IL19: variants seen among roughly 807,000 people sequenced by gnomAD.
IL19 encodes interleukin-19.
In IL19, 15 loss-of-function variants were observed where a neutral mutation model predicts 19.5. The ratio of observed to expected loss-of-function variants is 0.77; its 90% CI spans 0.52 to 1.19. IL19 has a LOEUF of 1.19. Among genes scored for constraint, IL19 ranks in the 50% most tolerant of loss-of-function variants. The pLI is 0.00. For synonymous variants in IL19, 78 were observed against 78.3 expected (o/e 1.00, Z 0.02); for missense variants, 199 against 213.1 (o/e 0.93, Z 0.41).
chr1:206,823,907 T>TG (rs1201077815), intron 2 of IL19, among the ~76,000 whole-genome samples: 3 of 152,080 alleles, frequency 2.0e-5, no homozygotes, highest in Non-Finnish European at 4.4e-5. Flanking sequence ...CTCAAAGCCA[T>TG]GGGGGTGGAG....
chr1:206,776,427 G>GT (rs1674995458), intron 1 of IL19, among the ~76,000 whole-genome samples: 2 of 148,444 alleles, frequency 1.3e-5, no homozygotes, highest in African/African-American at 2.5e-5. Context: ...GAACTGCTGG[G>GT]GTGTGTGTGT....
chr1:206,840,138 A>G, intron 5 of IL19, 136 bp downstream of exon 5: 2 of 960,464 alleles, frequency 2.1e-6, no homozygotes, highest in Non-Finnish European at 1.7e-6. Flanking sequence ...CACAGGGAGA[A>G]CTGTGGAGAA....
intron 1 of IL19, among the ~76,000 whole-genome samples, chr1:206,794,358 C>T (rs902505923): frequency 5.3e-5 from 8 of 152,258 alleles, no homozygotes; most frequent in South Asian, 4.1e-4. Context: ...GTCTACGGTC[C>T]GTCACATCTT....
intron 6 of IL19, among the ~76,000 whole-genome samples, chr1:206,841,545 C>T (rs1677019158): frequency 1.3e-5 from 2 of 152,234 alleles, no homozygotes; most frequent in Non-Finnish European, 2.9e-5. Context: ...GAGGAAGAAG[C>T]AGTGTTTCTC....
intron 1 of IL19, among the ~76,000 whole-genome samples, chr1:206,794,254 T>A (rs1240051001): frequency 6.6e-6 from 1 of 152,166 alleles, no homozygotes; most frequent in Admixed American, 6.5e-5. Context: ...CTGCTGCTCT[T>A]ATTGGGAGGA....
intron 1 of IL19, among the ~76,000 whole-genome samples, chr1:206,788,179 C>A (rs184508191): frequency 6.6e-6 from 1 of 152,270 alleles, no homozygotes; most frequent in African/African-American, 2.4e-5. Flanking sequence ...TGACTCTTTG[C>A]AGCTGTTCTA....
intron 2 of IL19, among the ~76,000 whole-genome samples, chr1:206,831,938 G>A (rs1676620303): frequency 6.6e-6 from 1 of 152,236 alleles, no homozygotes; most frequent in East Asian, 1.9e-4. Context: ...TGAGCACAAG[G>A]GGTGAATGTG....
intron 2 of IL19, among the ~76,000 whole-genome samples, chr1:206,806,371 G>A (rs969536366): frequency 3.3e-5 from 5 of 152,102 alleles, no homozygotes; most frequent in Non-Finnish European, 1.5e-5. Context: ...CTACTACTCT[G>A]AAATATATTC....
intron 2 of IL19, among the ~76,000 whole-genome samples, chr1:206,817,099 CAGTTG>C (rs1425736399): frequency 6.6e-6 from 1 of 152,206 alleles, no homozygotes; most frequent in Non-Finnish European, 1.5e-5. Context: ...TGGCTGAAAT[CAGTTG>C]GAACCAAGAT....
At chr1:206,798,333 C>T (rs956433263) in intron 1 of IL19, among the ~76,000 whole-genome samples, 1 of 152,134 alleles carries the variant, frequency 6.6e-6, no homozygotes, top group African/African-American at 2.4e-5. Flanking sequence ...CCCAGGCATC[C>T]CCTCTGCAAG....
intron 1 of IL19, chr1:206,771,421 G>A: frequency 6.2e-7 from 1 of 1,603,304 alleles, no homozygotes; most frequent in East Asian, 2.2e-5. Flanking sequence ...ATTTGCTGCA[G>A]GAAGAACAAA....
At chr1:206,792,520 G>A (rs1293737686) in intron 1 of IL19, among the ~76,000 whole-genome samples, 2 of 151,948 alleles carry the variant, frequency 1.3e-5, no homozygotes, top group Non-Finnish European at 2.9e-5. Flanking sequence ...GGAATTGCAT[G>A]ATCTTGGCTC....
intron 2 of IL19, among the ~76,000 whole-genome samples, chr1:206,816,697 A>G (rs1676166342): frequency 6.6e-6 from 1 of 152,230 alleles, no homozygotes; most frequent in Non-Finnish European, 1.5e-5. Flanking sequence ...CAATAATCAC[A>G]TTAAATACAA....
chr1:206,812,469 G>C (rs1266428973), intron 2 of IL19, among the ~76,000 whole-genome samples: 1 of 152,138 alleles, frequency 6.6e-6, no homozygotes, highest in African/African-American at 2.4e-5. Flanking sequence ...TCTATGACTG[G>C]GGCGACTGAT....
chr1:206,822,546 G>C (rs540876559), intron 2 of IL19, among the ~76,000 whole-genome samples: 1 of 152,316 alleles, frequency 6.6e-6, no homozygotes, highest in South Asian at 2.1e-4. Context: ...TTGTCCAAGT[G>C]TTTAAACTCT....
intron 1 of IL19, among the ~76,000 whole-genome samples, chr1:206,795,077 C>G (rs940610154): frequency 6.6e-6 from 1 of 152,158 alleles, no homozygotes; most frequent in African/African-American, 2.4e-5. Context: ...CTTTCAGGGC[C>G]TTTCATTCTC....
At chr1:206,791,328 GT>G (rs1675398209) in intron 1 of IL19, among the ~76,000 whole-genome samples, 1 of 143,448 alleles carries the variant, frequency 7.0e-6, no homozygotes, top group Non-Finnish European at 1.5e-5. Context: ...TTTAGATGGA[GT>G]TTCGGTCTTG....
chr1:206,777,447 T>G (rs1411944359), intron 1 of IL19, among the ~76,000 whole-genome samples: 1 of 150,664 alleles, frequency 6.6e-6, no homozygotes, highest in Admixed American at 6.6e-5. Context: ...CCAGCTACTC[T>G]CATGCTAAGC....
In IL19 at chr1:206,836,556, C is replaced by T; in HGVS notation, c.-2-105C>T. ...GTGTTTAGTGTTGTTTTCTTGTATTCCTCCCGGCTTGCCTTCGAGGCTGGA... is the reference window on the plus strand; with the variant it reads ...GTGTTTAGTGTTGTTTTCTTGTATTTCTCCCGGCTTGCCTTCGAGGCTGGA... On this transcript the variant is annotated intron_variant, in intron 2 of 6. Coordinates refer to ENST00000659997, the MANE Select transcript of IL19 (RefSeq NM_153758.5). 3.8e-6 allele frequency: 4 copies of T among 1,047,184 alleles called. No individual in the cohort carries two copies. The South Asian group carries it at 6.3e-5, about 16-fold the overall frequency. 64.9% of individuals were successfully genotyped at this position (1,047,184 alleles called of 1,614,324 possible).
Sources: gnomAD v4.1 joint callset for allele counts (sites outside exome capture counted in the v4.1 genomes callset) on GRCh38, gnomAD v4.1.1 for gene constraint, MANE v1.5 for transcripts, NCBI Gene and HGNC (gene_info 2026-07-23, HGNC 2026-07-21) for gene names.